CDCP1: variants seen among roughly 807,000 people sequenced by gnomAD.
CDCP1 encodes the protein CUB domain-containing protein 1.
CDCP1 carries 29 observed loss-of-function variants against 60.2 expected under a neutral mutation model. The ratio of observed to expected loss-of-function variants is 0.48; its 90% CI spans 0.36 to 0.66. The LOEUF is 0.66. Ranked by LOEUF, CDCP1 falls within the 30% of genes least tolerant of loss-of-function variation. CDCP1 has a pLI of 0.00. For synonymous variants in CDCP1, 387 were observed against 431.1 expected, an observed-to-expected ratio of 0.90 and a Z score of 1.27; for missense variants, 876 against 1,074.3, an observed-to-expected ratio of 0.82 and a Z score of 2.58.
chr3:45,085,742 T>C lies in CDCP1; in HGVS notation c.2407A>G (p.Ser803Gly). The C allele has an allele frequency of 6.2e-7, 1 of 1,614,182 alleles. No individual in the cohort carries two copies. ...PPPRSPPESESEPYTFSHPNN... is the reference protein window; with the variant it reads ...PPPRSPPESEGEPYTFSHPNN... ...GGATGGGAGAAGGTGTACGGTTCAC[T>C]CTCAGACTCAGGAGGGGAGCGAGGA... Residue 803 changes from serine (S) to glycine (G), a missense_variant, in exon 9 of 9, where the codon AGT becomes GGT. Physicochemically the swap from Ser to Gly is moderately conservative, Grantham distance 56 (BLOSUM62 0). Around this residue, in one of 2 missense-constraint regions of CDCP1, gnomAD observed 726 missense variants for 935.7 expected, o/e 0.78. Transcript: ENST00000296129. This position sits in a 1 kb window ranked among gnomAD's most constrained non-coding sequence, Gnocchi z 4.2.
At chr3:45,130,618 T>G (rs1240807532) in intron 1 of CDCP1, among the ~76,000 whole-genome samples, 1 of 152,196 alleles carries the variant, frequency 6.6e-6, no homozygotes, top group Non-Finnish European at 1.5e-5. Flanking sequence ...ACTAGGTTCT[T>G]GCAGGGCTTC....
chr3:45,144,783 T>C (rs1179358613), intron 1 of CDCP1, among the ~76,000 whole-genome samples: 1 of 152,212 alleles, frequency 6.6e-6, no homozygotes, highest in Non-Finnish European at 1.5e-5. Flanking sequence ...TTTCACTTCC[T>C]TTTTATTCTT....
At chr3:45,122,143 T>C (rs991596598) in intron 1 of CDCP1, among the ~76,000 whole-genome samples, 12 of 119,884 alleles carry the variant, frequency 1.0e-4, no homozygotes, top group Admixed American at 9.1e-4. Flanking sequence ...GTATAATCTG[T>C]ATTTTTTTTT....
chr3:45,095,038 A>G (rs1312441823), intron 5 of CDCP1, among the ~76,000 whole-genome samples: 2 of 150,612 alleles, frequency 1.3e-5, no homozygotes, highest in Non-Finnish European at 2.9e-5. Context: ...GGTTCAGGCC[A>G]TTCTCCTGCT....
chr3:45,146,127 C>T (rs977907654), intron 1 of CDCP1, 79 bp downstream of exon 1: 1 of 1,251,794 alleles, frequency 8.0e-7, no homozygotes, highest in South Asian at 1.4e-5. Context: ...CTGCGTCCCT[C>T]GGCCGCATCT....
At chr3:45,106,537 C>T (rs148618476) in intron 4 of CDCP1, among the ~76,000 whole-genome samples, 6 of 152,250 alleles carry the variant, frequency 3.9e-5, no homozygotes, top group Admixed American at 6.5e-5. Flanking sequence ...TGGTGCAACA[C>T]GGATTTATGG....
chr3:45,124,082 G>C (rs1698933034), intron 1 of CDCP1, among the ~76,000 whole-genome samples: 1 of 152,090 alleles, frequency 6.6e-6, no homozygotes, highest in Non-Finnish European at 1.5e-5. Flanking sequence ...GGGCAGGCAG[G>C]GTTGGGGGAA....
chr3:45,092,125 T>G (rs1698304873), intron 6 of CDCP1, among the ~76,000 whole-genome samples: 1 of 152,206 alleles, frequency 6.6e-6, no homozygotes, highest in South Asian at 2.1e-4. Context: ...ATCATTGCTA[T>G]GTGGCTAGCA....
chr3:45,146,386 T>A, upstream of CDCP1: 3 of 1,053,240 alleles, frequency 2.8e-6, no homozygotes, highest in Non-Finnish European at 2.6e-6. Flanking sequence ...CCTGGCTCAC[T>A]CACCTGCGCG....
intron 1 of CDCP1, among the ~76,000 whole-genome samples, chr3:45,139,967 G>A (rs1420693461): frequency 6.6e-6 from 1 of 152,182 alleles, no homozygotes; most frequent in Non-Finnish European, 1.5e-5. Flanking sequence ...GCTCTAAGCT[G>A]TTCTCGGGGT....
intron 4 of CDCP1, among the ~76,000 whole-genome samples, chr3:45,099,481 G>A (rs1698454806): frequency 1.3e-5 from 2 of 151,974 alleles, no homozygotes; most frequent in South Asian, 4.2e-4. Context: ...GCCTTGGTGT[G>A]GGTCTATTTA....
chr3:45,146,321 C>T lies in CDCP1; in HGVS notation c.-34G>A, dbSNP rs748527570. ...GACGCCTCGGCCTCGGTGGGGAAAACGACGGTGGGGAGCGGCGGCCCCAGG... is the reference window on the plus strand; with the variant it reads ...GACGCCTCGGCCTCGGTGGGGAAAATGACGGTGGGGAGCGGCGGCCCCAGG... On this transcript the variant is annotated 5_prime_UTR_variant, in exon 1 of 9. Transcript: ENST00000296129. 12 of 1,529,976 alleles carry T rather than the reference C, an allele frequency of 7.8e-6. No homozygotes were observed. Among genetic ancestry groups the T allele is most frequent in the Non-Finnish European group, 8.8e-6 (10 of 1,141,514 alleles). 94.8% of individuals were successfully genotyped at this position (1,529,976 alleles called of 1,614,324 possible).
intron 3 of CDCP1, among the ~76,000 whole-genome samples, 193 bp downstream of exon 3, chr3:45,111,890 G>A (rs111454704): frequency 4.6e-5 from 7 of 152,240 alleles, no homozygotes; most frequent in East Asian, 1.9e-4. Context: ...GAATCACCCC[G>A]TTTGTTTAAT....
chr3:45,110,131 T>A, intron 4 of CDCP1: 1 of 1,003,380 alleles, frequency 1.0e-6, no homozygotes, highest in Non-Finnish European at 1.2e-6. Context: ...TAAGTTCCCA[T>A]CATCATCGCT....
chr3:45,102,747 G>T lies in CDCP1; in HGVS notation c.1025-7179C>A, dbSNP rs34473297. ...GAGTTTATGGCTCACTGCAGCCGCC[G>T]CCTCCTGGCCTCAAGCGATTCTCCC... On this transcript the variant is annotated intron_variant, in intron 4 of 8. Coordinates refer to ENST00000296129, the MANE Select transcript of CDCP1 (RefSeq NM_022842.5). 5.5e-3 allele frequency among the ~76,000 whole-genome samples: 841 copies of T among 151,724 alleles called. 6 individuals carry two copies. The highest frequency in any genetic ancestry group is 9.8e-3 in the Non-Finnish European group (663 of 67,936).
chr3:45,126,593 A>C (rs1699004227), intron 1 of CDCP1, among the ~76,000 whole-genome samples: 1 of 152,194 alleles, frequency 6.6e-6, no homozygotes, highest in Non-Finnish European at 1.5e-5. Flanking sequence ...CAGGAAGACC[A>C]CTGATCTGCC....
chr3:45,127,499 G>A (rs1028715764), intron 1 of CDCP1, among the ~76,000 whole-genome samples: 4 of 152,216 alleles, frequency 2.6e-5, no homozygotes, highest in African/African-American at 7.2e-5. Context: ...TGCTATAGAA[G>A]CCCTGGCCTG....
At position 45,140,153 on chromosome 3, in the gene CDCP1, C is replaced by T. The variant is rs1576125043; in HGVS notation, c.82+6053G>A. On this transcript the variant is annotated intron_variant, in intron 1 of 8. Transcript: ENST00000296129. ...AAGAATTGAAGAAGCCCTCTCATGG[C>T]TCCAAGGGTTTTGTGACATGGCAGA... is the stretch of plus-strand genomic sequence containing the variant. Among the ~76,000 whole-genome samples the T allele has an allele frequency of 2.6e-5, 4 of 152,352 alleles. No individual in the cohort carries two copies. In the Middle Eastern group the frequency reaches 0.014, roughly 518 times the overall value.
At chr3:45,124,147 A>G (rs1698933888) in intron 1 of CDCP1, among the ~76,000 whole-genome samples, 1 of 152,094 alleles carries the variant, frequency 6.6e-6, no homozygotes, top group Non-Finnish European at 1.5e-5. Context: ...TAATCACCAT[A>G]TCACACATCC....
Sources: gnomAD v4.1 joint callset for allele counts (sites outside exome capture counted in the v4.1 genomes callset) on GRCh38, gnomAD v4.1.1 for gene constraint, gnomAD v4.1.1 regional missense constraint, Gnocchi (gnomAD v3.1) non-coding constraint, MANE v1.5 for transcripts, NCBI Gene and HGNC (gene_info 2026-07-23, HGNC 2026-07-21) for gene names.